The following POM121C variants were observed in gnomAD, a reference collection of about 807,000 sequenced individuals.
POM121C encodes POM121 transmembrane nucleoporin C.
Under a neutral mutation model 66.4 loss-of-function variants are expected in POM121C, and 20 were observed. The observed-to-expected ratio is 0.30, with a 90% CI of 0.21 to 0.44. The LOEUF (loss-of-function observed/expected upper bound fraction) is 0.44. POM121C is among the 20% of genes least tolerant of loss of function. The pLI, the probability that POM121C is intolerant of heterozygous loss-of-function variation, is 1.00. For synonymous variants in POM121C, 286 were observed against 528.0 expected (o/e 0.54, Z 6.28); for missense variants, 580 against 1,225.7 (o/e 0.47, Z 7.87).
intron 3 of POM121C, among the ~76,000 whole-genome samples, chr7:75,451,211 T>C (rs587738043): frequency 1.3e-4 from 20 of 152,188 alleles, no homozygotes; most frequent in Admixed American, 2.0e-4. Flanking sequence ...CGAGCCCATA[T>C]AGCCAAGACG....
At chr7:75,433,398 C>T (rs1263195409) in intron 7 of POM121C, among the ~76,000 whole-genome samples, 1 of 151,844 alleles carries the variant, frequency 6.6e-6, no homozygotes, top group Non-Finnish European at 1.5e-5. Flanking sequence ...CTCTGTCGCC[C>T]AGGCTGGAGT....
intron 7 of POM121C, among the ~76,000 whole-genome samples, chr7:75,432,364 C>T (rs73137200): frequency 0.046 from 7,014 of 152,130 alleles, 170 homozygotes; most frequent in Non-Finnish European, 0.063. Flanking sequence ...ATTCCCAGTG[C>T]GGAACAGTAT....
chr7:75,486,174 G>T lies in POM121C; in HGVS notation c.-768C>A. The T allele has an allele frequency of 3.2e-6, 1 of 314,170 alleles. No individual in the cohort carries two copies. The highest frequency in any genetic ancestry group is 6.2e-6 in the Non-Finnish European group (1 of 162,292). 19.5% of individuals were successfully genotyped at this position (314,170 alleles called of 1,614,324 possible). A position where few individuals can be genotyped will look rare whatever the true frequency, so the allele number is the denominator to read the frequency against. ...ACCCTGGGCCGCACAGCTCCCGCCC[G>T]CCTAGGTGCTGGTCCGGGCGGTCAG... On this transcript the variant is annotated 5_prime_UTR_variant, in exon 1 of 15. Coordinates refer to ENST00000615331, the MANE Select transcript of POM121C (RefSeq NM_001099415.3).
At chr7:75,426,797 C>CAAAAAAAAAA (rs543569250) in intron 7 of POM121C, among the ~76,000 whole-genome samples, 1 of 61,106 alleles carries the variant, frequency 1.6e-5, no homozygotes, top group African/African-American at 5.8e-5. Flanking sequence ...GACCCTGTCT[C>CAAAAAAAAAA]AAAAAAAAAA....
At chr7:75,432,528 A>G (rs192315187) in intron 7 of POM121C, among the ~76,000 whole-genome samples, 1 of 152,316 alleles carries the variant, frequency 6.6e-6, no homozygotes, top group East Asian at 1.9e-4. Flanking sequence ...TGCTAATAAG[A>G]AGGAAAGGAG....
chr7:75,442,194 G>A (rs587757761), intron 3 of POM121C: 189 of 1,281,384 alleles, frequency 1.5e-4, no homozygotes, highest in Middle Eastern at 1.4e-3. Context: ...GGGAGAGAGG[G>A]GTAAAAGTGG....
chr7:75,485,667 C>T (rs1188668559), intron 1 of POM121C, among the ~76,000 whole-genome samples, 197 bp downstream of exon 1: 1 of 152,168 alleles, frequency 6.6e-6, no homozygotes, highest in African/African-American at 2.4e-5. Context: ...ACACCCTCCA[C>T]GCCTCCGTAA....
At chr7:75,461,981 A>C (rs1343863952) in intron 3 of POM121C, among the ~76,000 whole-genome samples, 3 of 148,256 alleles carry the variant, frequency 2.0e-5, no homozygotes, top group Admixed American at 2.0e-4. Context: ...CCATCCCCCC[A>C]CAGAAACATT....
At position 75,441,123 on chromosome 7, in the gene POM121C, G is replaced by GA. The variant is rs1790629956; in HGVS notation, c.66-9dup. ...CTGATTATCTGCTCTGGTCTATAAT[G>GA]AAAGACAAGATTCTAGCCGTAAGAT... On this transcript the variant is annotated splice_polypyrimidine_tract_variant and intron_variant, in intron 4 of 14. Transcript: ENST00000615331. 1 of 1,611,680 alleles carries GA rather than the reference G, an allele frequency of 6.2e-7. No individual in the cohort carries two copies. The highest frequency in any genetic ancestry group is 1.1e-5 in the South Asian group (1 of 90,580).
chr7:75,433,826 C>T (rs1179019836), intron 7 of POM121C, among the ~76,000 whole-genome samples: 1 of 152,176 alleles, frequency 6.6e-6, no homozygotes, highest in Non-Finnish European at 1.5e-5. Context: ...AGTTATTCAA[C>T]CAGCTCCCTG....
chr7:75,483,378 G>T (rs1792384768), intron 1 of POM121C, among the ~76,000 whole-genome samples: 1 of 152,092 alleles, frequency 6.6e-6, no homozygotes, highest in Admixed American at 6.6e-5. Flanking sequence ...TGGTGATATG[G>T]TTTCGGTGTG....
At chr7:75,485,142 G>A (rs1164457311) in intron 1 of POM121C, among the ~76,000 whole-genome samples, 1 of 152,050 alleles carries the variant, frequency 6.6e-6, no homozygotes, top group Non-Finnish European at 1.5e-5. Flanking sequence ...ACTGCATCCC[G>A]CCCGCATTTT....
chr7:75,476,864 TATG>T (rs1792099051), intron 1 of POM121C, among the ~76,000 whole-genome samples: 1 of 152,044 alleles, frequency 6.6e-6, no homozygotes, highest in Admixed American at 6.6e-5. Context: ...AATCTATTAA[TATG>T]ATAAGCCACT....
chr7:75,473,274 A>G (rs782250132), intron 3 of POM121C, among the ~76,000 whole-genome samples: 7 of 152,054 alleles, frequency 4.6e-5, no homozygotes, highest in Non-Finnish European at 1.0e-4. Flanking sequence ...AAAAGGTCTT[A>G]GAAGTTGAGA....
At chr7:75,441,672 T>C (rs1554474038) in intron 3 of POM121C, 25 bp from the exon 4 acceptor site, 1 of 1,517,316 alleles carries the variant, frequency 6.6e-7, no homozygotes, top group Non-Finnish European at 8.9e-7. Context: ...AGACAAATCA[T>C]GGAAACAAAG....
chr7:75,427,042 C>CA (rs1333668460), intron 7 of POM121C, among the ~76,000 whole-genome samples: 1 of 147,742 alleles, frequency 6.8e-6, no homozygotes, highest in Non-Finnish European at 1.5e-5. Context: ...GGAAAGGATA[C>CA]AAGTAAATTA....
In POM121C at chr7:75,424,694, A is replaced by C. The variant is rs113765235; in HGVS notation, c.769-66T>G. On this transcript the variant is annotated intron_variant, in intron 10 of 14. Transcript: ENST00000615331. Reference sequence around the variant, plus strand: ...AACGGGAAGGCTGGGCGTGGTGGCTAACGCCGGTAATCTCAGCACTCTGGG... The same window carrying C: ...AACGGGAAGGCTGGGCGTGGTGGCTCACGCCGGTAATCTCAGCACTCTGGG... 3.7e-3 allele frequency: 5,802 copies of C among 1,587,782 alleles called. 100 individuals are homozygous for C. Among genetic ancestry groups the C allele is most frequent in the African/African-American group, 0.036 (2,707 of 74,478 alleles).
At chr7:75,439,656 G>C (rs1476965411) in intron 5 of POM121C, among the ~76,000 whole-genome samples, 2 of 152,066 alleles carry the variant, frequency 1.3e-5, no homozygotes, top group African/African-American at 2.4e-5. Flanking sequence ...AAAGTGTTAG[G>C]AGTACAGGCA....
At chr7:75,476,004 G>A (rs1792057138) in intron 1 of POM121C, among the ~76,000 whole-genome samples, 1 of 152,140 alleles carries the variant, frequency 6.6e-6, no homozygotes. Context: ...TTGGGGCTGG[G>A]CATGGTGGCT....
Sources: gnomAD v4.1 joint callset for allele counts (sites outside exome capture counted in the v4.1 genomes callset) on GRCh38, gnomAD v4.1.1 for gene constraint, MANE v1.5 for transcripts, NCBI Gene and HGNC (gene_info 2026-07-23, HGNC 2026-07-21) for gene names.